The following DIPK1A variants were observed in gnomAD, a reference collection of about 807,000 sequenced individuals.
DIPK1A encodes the protein divergent protein kinase domain 1A.
A neutral mutation model predicts 40.8 loss-of-function variants in DIPK1A; 27 were observed. That is an observed-to-expected ratio of 0.66 (90% CI 0.49 to 0.91). The LOEUF is 0.91. Among genes scored for constraint, DIPK1A ranks in the 40% least tolerant of loss-of-function variants. The pLI, the probability that DIPK1A is intolerant of heterozygous loss-of-function variation, is 0.00. For synonymous variants in DIPK1A, 166 were observed against 171.3 expected, an observed-to-expected ratio of 0.97 and a Z score of 0.24; for missense variants, 412 against 505.7, an observed-to-expected ratio of 0.81 and a Z score of 1.78.
rs183646358 is a variant in DIPK1A, at chr1:92,836,673, T to C, written c.475-3639A>G. ...CCTTTTGCATATGACTTAATTCTTA[T>C]TAGAAATGAGCAACTCCATCCTCTT... On this transcript the variant is annotated intron_variant, in intron 4 of 4. Transcript: ENST00000615519. 3.7e-5 allele frequency: 15 copies of C among 402,662 alleles called. No homozygotes were observed. The Admixed American group carries it at 4.6e-4, about 12-fold the overall frequency. 24.9% of individuals were successfully genotyped at this position (402,662 alleles called of 1,614,324 possible). A position where few individuals can be genotyped will look rare whatever the true frequency, so the allele number is the denominator to read the frequency against.
intron 1 of DIPK1A, among the ~76,000 whole-genome samples, chr1:92,894,760 G>C (rs1649081717): frequency 6.6e-6 from 1 of 152,140 alleles, no homozygotes; most frequent in African/African-American, 2.4e-5. Flanking sequence ...CCGCTAGCTT[G>C]ACTAATAAAG....
At chr1:92,913,320 C>T (rs1252088805) in intron 1 of DIPK1A, among the ~76,000 whole-genome samples, 2 of 152,002 alleles carry the variant, frequency 1.3e-5, no homozygotes, top group African/African-American at 4.8e-5. Flanking sequence ...TTGACAGCAG[C>T]CCTGTATGTT....
At chr1:92,841,892 A>G, downstream of DIPK1A, 1 of 1,535,310 alleles carries the variant, frequency 6.5e-7, no homozygotes, top group South Asian at 1.1e-5. Flanking sequence ...TGATTTTTTC[A>G]GATATAGATA....
chr1:92,888,123 GA>G (rs1416515753), intron 1 of DIPK1A, among the ~76,000 whole-genome samples: 3 of 151,860 alleles, frequency 2.0e-5, no homozygotes, highest in Non-Finnish European at 1.5e-5. Context: ...TAGAACACTT[GA>G]ACTTACTTCT....
At chr1:92,943,814 C>G (rs937803361) in intron 1 of DIPK1A, among the ~76,000 whole-genome samples, 2 of 152,126 alleles carry the variant, frequency 1.3e-5, no homozygotes, top group African/African-American at 4.8e-5. Context: ...AGAGGAAAGC[C>G]ACACCAGTTA....
intron 1 of DIPK1A, among the ~76,000 whole-genome samples, chr1:92,917,222 C>A (rs1334901069): frequency 6.6e-6 from 1 of 152,180 alleles, no homozygotes; most frequent in African/African-American, 2.4e-5. Flanking sequence ...AGCATCTAGA[C>A]AAGGCTATAT....
At chr1:92,870,925 C>T (rs1393865371) in intron 2 of DIPK1A, among the ~76,000 whole-genome samples, 2 of 152,212 alleles carry the variant, frequency 1.3e-5, no homozygotes, top group Non-Finnish European at 2.9e-5. Flanking sequence ...TTTGTTACTA[C>T]TGCAGTGTAG....
At chr1:92,835,075 TC>T in intron 4 of DIPK1A, 1 of 1,016,484 alleles carries the variant, frequency 9.8e-7, no homozygotes. Flanking sequence ...GTCAGCTCTT[TC>T]CAATAAAATT....
chr1:92,854,967 T>C (rs143754235), intron 2 of DIPK1A, among the ~76,000 whole-genome samples: 106 of 152,070 alleles, frequency 7.0e-4, no homozygotes, highest in African/African-American at 2.3e-3. Context: ...TCATATCATA[T>C]AGACCACATT....
At chr1:92,948,547 G>A (rs571477195) in intron 1 of DIPK1A, among the ~76,000 whole-genome samples, 91 of 148,914 alleles carry the variant, frequency 6.1e-4, no homozygotes, top group African/African-American at 2.2e-3. Flanking sequence ...GCCTCCCAAA[G>A]TGCTGGGATT....
chr1:92,843,967 A>G lies in DIPK1A; in HGVS notation c.703T>C (p.Ser235Pro). 6.4e-7 allele frequency: 1 copy of G among 1,551,976 alleles called. No homozygotes were observed. Among genetic ancestry groups the G allele is most frequent in the Non-Finnish European group, 8.7e-7 (1 of 1,147,014 alleles). The change falls in exon 5 of 5, where the codon TCT (serine) becomes CCT (proline). Residue 235 changes from serine to proline, a missense_variant. Coordinates refer to ENST00000370310, the MANE Select transcript of DIPK1A (RefSeq NM_001006605.5). ...LYVMESVEYT[S>P]LYGISLPWVI... is the part of the protein sequence containing the mutation. ...CAAGGAAGGCTTATTCCATAAAGAG[A>G]GGTATATTCAACACTTTCCATCACA...
chr1:92,867,482 T>C lies in DIPK1A; in HGVS notation c.189+8814A>G, dbSNP rs183745421. ...TATGGAACACAAGATAGACCACAAC[T>C]GTTAAACAGATATAAACTTTGTTGT... is the stretch of plus-strand genomic sequence containing the variant. On this transcript the variant is annotated intron_variant, in intron 2 of 4. Transcript: ENST00000370310. 5.5e-3 allele frequency among the ~76,000 whole-genome samples: 843 copies of C among 152,270 alleles called. 2 individuals carry two copies. The highest frequency in any genetic ancestry group is 7.0e-3 in the Non-Finnish European group (476 of 68,020).
At chr1:92,948,015 T>C (rs1334003613) in intron 1 of DIPK1A, among the ~76,000 whole-genome samples, 3 of 152,194 alleles carry the variant, frequency 2.0e-5, no homozygotes, top group African/African-American at 7.2e-5. Flanking sequence ...TTAACAATAA[T>C]TTATTGCATA....
intron 2 of DIPK1A, among the ~76,000 whole-genome samples, chr1:92,861,321 C>CTCTTTTT (rs1553125720): frequency 4.8e-5 from 4 of 83,546 alleles, no homozygotes; most frequent in Non-Finnish European, 8.5e-5. Flanking sequence ...CTCTCTCTCT[C>CTCTTTTT]TTTTTTTTTT....
At chr1:92,914,019 A>G (rs1649944729) in intron 1 of DIPK1A, among the ~76,000 whole-genome samples, 2 of 152,132 alleles carry the variant, frequency 1.3e-5, no homozygotes, top group Non-Finnish European at 1.5e-5. Context: ...TAGAATATGC[A>G]GAGAATATAA....
Position 92,843,787 on chromosome 1 carries a change from T to C in DIPK1A, c.883A>G (p.Thr295Ala). 1 of 1,551,966 alleles carries C rather than the reference T, an allele frequency of 6.4e-7. No homozygotes were observed. The highest frequency in any genetic ancestry group is 8.7e-7 in the Non-Finnish European group (1 of 1,147,048). Residue 295 changes from threonine to alanine, a missense_variant, in exon 5 of 5, where the codon ACT becomes GCT. Thr to Ala is a moderately conservative substitution (Grantham distance 58). Coordinates refer to ENST00000370310, the MANE Select transcript of DIPK1A (RefSeq NM_001006605.5). Reference protein sequence around the residue: ...GPYGNFLMCDTSAKNLGYNDK... With the variant: ...GPYGNFLMCDASAKNLGYNDK... ...TTATATCCTAGGTTTTTGGCACTAG[T>C]ATCGCACATGAGGAAATTTCCGTAG...
chr1:92,924,030 T>C (rs1650381974), intron 1 of DIPK1A, among the ~76,000 whole-genome samples: 2 of 152,242 alleles, frequency 1.3e-5, no homozygotes, highest in South Asian at 2.1e-4. Flanking sequence ...TCTCCATTTA[T>C]TTAAATCTTT....
chr1:92,928,551 C>T (rs7538968), intron 1 of DIPK1A, among the ~76,000 whole-genome samples: 2,996 of 152,182 alleles, frequency 0.02, 98 homozygotes, highest in African/African-American at 0.069. Context: ...GTTCTTTAGC[C>T]TGAAGTACTT....
chr1:92,911,389 C>A (rs1649819068), intron 1 of DIPK1A, among the ~76,000 whole-genome samples: 1 of 152,178 alleles, frequency 6.6e-6, no homozygotes, highest in Non-Finnish European at 1.5e-5. Flanking sequence ...TGTTCTTGAA[C>A]TTCCCAGCCT....
Sources: gnomAD v4.1 joint callset for allele counts (sites outside exome capture counted in the v4.1 genomes callset) on GRCh38, gnomAD v4.1.1 for gene constraint, MANE v1.5 for transcripts, NCBI Gene and HGNC (gene_info 2026-07-23, HGNC 2026-07-21) for gene names.